JAKMIP2: variants seen among roughly 807,000 people sequenced by gnomAD.
JAKMIP2 encodes janus kinase and microtubule-interacting protein 2.
A neutral mutation model predicts 115.0 loss-of-function variants in JAKMIP2; 25 were observed. The ratio of observed to expected loss-of-function variants is 0.22; its 90% CI spans 0.16 to 0.30. The LOEUF (loss-of-function observed/expected upper bound fraction) is 0.30, where lower values mean the gene tolerates loss of function less well. Ranked by LOEUF, JAKMIP2 falls within the 10% of genes least tolerant of loss-of-function variation. The pLI is 1.00. For synonymous variants in JAKMIP2, 334 were observed against 343.6 expected (o/e 0.97, Z 0.31); for missense variants, 642 against 957.6 (o/e 0.67, Z 4.35).
chr5:147,653,471 G>GA lies in JAKMIP2; in HGVS notation c.628-2925_628-2924insT, dbSNP rs1561516401. ...TTTCTCAAATAATCAGAGATGATGA[G>GA]CTTTTTTTTTTCATGTTTGTTGGCC... is the stretch of plus-strand genomic sequence containing the variant. On this transcript the variant is annotated intron_variant, in intron 3 of 21. Transcript: ENST00000616793. Among the ~76,000 whole-genome samples, 1,088 of 151,988 alleles carry GA rather than the reference G, an allele frequency of 7.2e-3. 12 individuals carry two copies. The highest frequency in any genetic ancestry group is 0.025 in the African/African-American group (1,034 of 41,400).
rs548113732 is a variant in JAKMIP2 at position 147,650,639 on chromosome 5, T to C, written c.628-92A>G. On this transcript the variant is annotated intron_variant, in intron 3 of 21. Coordinates refer to ENST00000616793, the MANE Select transcript of JAKMIP2 (RefSeq NM_001270941.2). Reference sequence around the variant, plus strand: ...TGTAGGTTTAACTTCTTTTATCTGATTGATACAGAAAAAAAATCACGGATT... The same window carrying C: ...TGTAGGTTTAACTTCTTTTATCTGACTGATACAGAAAAAAAATCACGGATT... 56 of 939,072 alleles carry C rather than the reference T, an allele frequency of 6.0e-5. No homozygotes were observed. The African/African-American group carries it at 7.3e-4, about 12-fold the overall frequency. 58.2% of individuals were successfully genotyped at this position (939,072 alleles called of 1,614,324 possible).
chr5:147,710,353 A>G (rs1333709866), intron 1 of JAKMIP2, among the ~76,000 whole-genome samples: 1 of 152,178 alleles, frequency 6.6e-6, no homozygotes, highest in African/African-American at 2.4e-5. Context: ...CTTCCATCAA[A>G]TATATTAGCT....
At chr5:147,639,914 G>A (rs868299218) in intron 9 of JAKMIP2, among the ~76,000 whole-genome samples, 154 bp from the exon 10 acceptor site, 1 of 152,028 alleles carries the variant, frequency 6.6e-6, no homozygotes, top group Non-Finnish European at 1.5e-5. Context: ...TGTATATACG[G>A]GCACAAATAC....
chr5:147,682,107 G>A (rs1760316018), intron 1 of JAKMIP2, among the ~76,000 whole-genome samples: 3 of 149,622 alleles, frequency 2.0e-5, no homozygotes, highest in South Asian at 4.2e-4. Flanking sequence ...TAAGAAGGAA[G>A]GAACCAGTAA....
intron 18 of JAKMIP2, among the ~76,000 whole-genome samples, chr5:147,618,520 T>C (rs922466111): frequency 6.6e-6 from 1 of 152,150 alleles, no homozygotes; most frequent in Non-Finnish European, 1.5e-5. Context: ...GCGGATCATC[T>C]GAGGTCAGGA....
At chr5:147,761,237 G>A (rs1274894511) in intron 1 of JAKMIP2, among the ~76,000 whole-genome samples, 2 of 152,088 alleles carry the variant, frequency 1.3e-5, no homozygotes, top group Non-Finnish European at 2.9e-5. Flanking sequence ...TAGTTCTTCT[G>A]ATGGTAATCC....
chr5:147,641,625 C>T (rs915244227), intron 8 of JAKMIP2, 83 bp downstream of exon 8: 3 of 956,264 alleles, frequency 3.1e-6, no homozygotes, highest in South Asian at 1.4e-5. Context: ...TGATTCATCA[C>T]ATCTTTGTAG....
intron 1 of JAKMIP2, among the ~76,000 whole-genome samples, chr5:147,689,136 C>T (rs1321909436): frequency 1.3e-5 from 2 of 152,028 alleles, no homozygotes; most frequent in Admixed American, 1.3e-4. Flanking sequence ...TACAAGAGCT[C>T]CACAGTGAGC....
chr5:147,647,997 A>G lies in JAKMIP2; in HGVS notation c.936+379T>C, dbSNP rs1382058921. Among the ~76,000 whole-genome samples the G allele has an allele frequency of 3.3e-5, 5 of 152,356 alleles. No individual in the cohort carries two copies. In the South Asian group the frequency reaches 1.0e-3, roughly 32 times the overall value. ...ATGAATTCTACATGCAACACAATGG[A>G]TAAATCTCACAAACAAAGCTGAGTG... is the stretch of plus-strand genomic sequence containing the variant. On this transcript the variant is annotated intron_variant, in intron 5 of 21. Coordinates refer to ENST00000616793, the MANE Select transcript of JAKMIP2 (RefSeq NM_001270941.2).
At chr5:147,669,195 C>G (rs939091332) in intron 2 of JAKMIP2, among the ~76,000 whole-genome samples, 1 of 152,166 alleles carries the variant, frequency 6.6e-6, no homozygotes, top group African/African-American at 2.4e-5. Context: ...AATAAAAGTG[C>G]TTTATGACTT....
chr5:147,653,538 T>C (rs1213448036), intron 3 of JAKMIP2, among the ~76,000 whole-genome samples: 10 of 151,984 alleles, frequency 6.6e-5, no homozygotes, highest in African/African-American at 2.4e-4. Context: ...TTATATACCT[T>C]GCCCACTTTT....
At chr5:147,774,076 T>G (rs570233146) in intron 1 of JAKMIP2, among the ~76,000 whole-genome samples, 1 of 152,308 alleles carries the variant, frequency 6.6e-6, no homozygotes, top group South Asian at 2.1e-4. Context: ...AATTCAAATG[T>G]TTTCCATAAT....
chr5:147,600,097 T>C (rs1011628397), intron 21 of JAKMIP2, among the ~76,000 whole-genome samples: 1 of 147,900 alleles, frequency 6.8e-6, no homozygotes, highest in East Asian at 2.0e-4. Flanking sequence ...GTTTTTTTTT[T>C]TTTTTTTTTT....
chr5:147,766,519 T>C (rs1383277459), intron 1 of JAKMIP2, among the ~76,000 whole-genome samples: 1 of 152,126 alleles, frequency 6.6e-6, no homozygotes, highest in Non-Finnish European at 1.5e-5. Flanking sequence ...CTTTCCACTG[T>C]GTCACATTGC....
intron 1 of JAKMIP2, among the ~76,000 whole-genome samples, chr5:147,692,686 G>A (rs1751919429): frequency 6.6e-6 from 1 of 152,118 alleles, no homozygotes; most frequent in Non-Finnish European, 1.5e-5. Flanking sequence ...ATGAATGAAT[G>A]GATTGATGAA....
chr5:147,674,056 C>T (rs1759786353), intron 1 of JAKMIP2, among the ~76,000 whole-genome samples: 1 of 152,102 alleles, frequency 6.6e-6, no homozygotes, highest in Admixed American at 6.6e-5. Flanking sequence ...TTATCAAATC[C>T]ACTTGAATAG....
At chr5:147,678,820 T>C (rs1009744657) in intron 1 of JAKMIP2, among the ~76,000 whole-genome samples, 1 of 151,876 alleles carries the variant, frequency 6.6e-6, no homozygotes, top group Non-Finnish European at 1.5e-5. Context: ...CCATAAAAAT[T>C]GAAAATTAAA....
chr5:147,744,422 C>CAG (rs1754275446), intron 1 of JAKMIP2, among the ~76,000 whole-genome samples: 1 of 152,116 alleles, frequency 6.6e-6, no homozygotes, highest in African/African-American at 2.4e-5. Flanking sequence ...AAAGATTCTC[C>CAG]AAGGCCAAGT....
intron 12 of JAKMIP2, 37 bp from the exon 13 acceptor site, chr5:147,632,815 G>T (rs1581324726): frequency 7.6e-7 from 1 of 1,320,942 alleles, no homozygotes; most frequent in Non-Finnish European, 1.1e-6. Context: ...TAAGCATTGA[G>T]AAAAGCACCT....
Sources: allele counts gnomAD v4.1 joint callset (sites outside exome capture counted in the v4.1 genomes callset), GRCh38; gene constraint gnomAD v4.1.1; transcripts MANE v1.5; gene names NCBI Gene and HGNC (gene_info 2026-07-23, HGNC 2026-07-21).